The following DACH2 variants were observed in gnomAD, a reference collection of about 807,000 sequenced individuals.
DACH2 encodes dachshund family transcription factor 2.
Under a neutral mutation model 35.8 loss-of-function variants are expected in DACH2, and 17 were observed. The ratio of observed to expected loss-of-function variants is 0.48; its 90% confidence interval spans 0.33 to 0.71. DACH2 has a LOEUF of 0.71. Ranked by LOEUF, DACH2 falls within the 30% of genes least tolerant of loss-of-function variation. The pLI, the probability that DACH2 is intolerant of heterozygous loss-of-function variation, is 0.02. For synonymous variants in DACH2, 195 were observed against 177.3 expected, an observed-to-expected ratio of 1.10 and a Z score of -0.79; for missense variants, 469 against 472.7, an observed-to-expected ratio of 0.99 and a Z score of 0.07.
At chrX:86,443,456 T>C (rs2148186515) in intron 2 of DACH2, among the ~76,000 whole-genome samples, 1 of 111,419 alleles carries the variant, frequency 9.0e-6, no homozygotes, top group South Asian at 3.7e-4. Flanking sequence ...AAGACTATAC[T>C]TTCTGCAAAC....
At chrX:86,673,720 G>A (rs564975020) in intron 4 of DACH2, among the ~76,000 whole-genome samples, 2 of 111,576 alleles carry the variant, frequency 1.8e-5, no homozygotes, top group African/African-American at 6.5e-5. Context: ...TTGGATTTGT[G>A]GCCCTGCCCA....
chrX:86,646,733 C>T (rs777463468), intron 3 of DACH2, among the ~76,000 whole-genome samples: 1 of 109,647 alleles, frequency 9.1e-6, no homozygotes, highest in South Asian at 3.8e-4. Flanking sequence ...GGATATCCTG[C>T]AACTCAATAA....
intron 7 of DACH2, among the ~76,000 whole-genome samples, chrX:86,800,996 A>G (rs761183238): frequency 1.8e-5 from 2 of 111,087 alleles, no homozygotes; most frequent in Non-Finnish European, 3.8e-5. Context: ...CTTAATGTCT[A>G]TATTACACAG....
chrX:86,420,534 C>A (rs1026158508), intron 2 of DACH2, among the ~76,000 whole-genome samples: 1 of 111,105 alleles, frequency 9.0e-6, no homozygotes, highest in African/African-American at 3.3e-5. Context: ...AAACAGTTTT[C>A]TTTTTGTAAC....
At position 86,800,605 on chromosome X, in the gene DACH2, C is replaced by T. The variant is rs116509676; in HGVS notation, c.1241-12251C>T. On this transcript the variant is annotated intron_variant, in intron 7 of 11. Coordinates refer to ENST00000373125, the MANE Select transcript of DACH2 (RefSeq NM_053281.3). The stretch of plus-strand genomic sequence containing the variant: ...ATTAAGCATTACTAATAGATACAAA[C>T]TTCTTTGATAAAACTTAAGAAATTT... Among the ~76,000 whole-genome samples the T allele has an allele frequency of 8.3e-3, 928 of 112,040 alleles. 10 individuals are homozygous for T. The highest frequency in any genetic ancestry group is 0.028 in the African/African-American group (872 of 30,856).
chrX:86,643,996 A>AAACGTT (rs1391015465), intron 3 of DACH2, among the ~76,000 whole-genome samples: 1 of 111,477 alleles, frequency 9.0e-6, no homozygotes, highest in African/African-American at 3.3e-5. Flanking sequence ...TGACAAACCC[A>AAACGTT]CAGTAAACAT....
At chrX:86,414,961 C>A (rs997413088) in intron 2 of DACH2, among the ~76,000 whole-genome samples, 1 of 111,370 alleles carries the variant, frequency 9.0e-6, no homozygotes, top group East Asian at 2.8e-4. Context: ...TCTTTGGCAG[C>A]AGCCTCATAG....
chrX:86,267,014 A>G (rs1293655803), intron 1 of DACH2, among the ~76,000 whole-genome samples: 1 of 111,929 alleles, frequency 8.9e-6, no homozygotes, highest in Non-Finnish European at 1.9e-5. Context: ...TTGAAGCCAG[A>G]TTTAAATCAA....
chrX:86,635,050 T>G (rs1477381046), intron 3 of DACH2, among the ~76,000 whole-genome samples: 2 of 108,320 alleles, frequency 1.8e-5, no homozygotes, highest in Non-Finnish European at 3.8e-5. Flanking sequence ...CAAAACCTGG[T>G]AGAGACATAA....
intron 1 of DACH2, among the ~76,000 whole-genome samples, chrX:86,306,974 G>A (rs1317642790): frequency 9.0e-6 from 1 of 111,318 alleles, no homozygotes; most frequent in Non-Finnish European, 1.9e-5. Context: ...TTAATAGCAT[G>A]GAGAACACCA....
At chrX:86,348,713 C>T (rs1431689781) in intron 1 of DACH2, among the ~76,000 whole-genome samples, 1 of 112,326 alleles carries the variant, frequency 8.9e-6, no homozygotes, top group African/African-American at 3.2e-5. Context: ...CTTATGTTAA[C>T]TTCTGTGAAC....
At chrX:86,339,281 T>C (rs187582798) in intron 1 of DACH2, among the ~76,000 whole-genome samples, 130 of 112,072 alleles carry the variant, frequency 1.2e-3, no homozygotes, top group African/African-American at 4.1e-3. Flanking sequence ...AAGAACTTAT[T>C]CCTTATAGAA....
intron 5 of DACH2, among the ~76,000 whole-genome samples, chrX:86,697,671 A>G (rs898379178): frequency 1.0e-5 from 1 of 98,692 alleles, no homozygotes; most frequent in Non-Finnish European, 2.0e-5. Context: ...TAGAAACCCT[A>G]AGAAAAAATC....
At chrX:86,196,132 T>A (rs1328997506) in intron 1 of DACH2, among the ~76,000 whole-genome samples, 1 of 111,121 alleles carries the variant, frequency 9.0e-6, no homozygotes, top group Non-Finnish European at 1.9e-5. Context: ...TGGATAGGAA[T>A]TAAGATCATT....
At chrX:86,705,028 T>TTATATATATATATATATCTCACA (rs1556379511) in intron 5 of DACH2, among the ~76,000 whole-genome samples, 31 of 34,885 alleles carry the variant, frequency 8.9e-4, no homozygotes, top group African/African-American at 2.4e-3. Flanking sequence ...ACAGAAATTG[T>TTATATATATATATATATCTCACA]TATATATATA....
At chrX:86,281,036 G>A (rs1275485915) in intron 1 of DACH2, among the ~76,000 whole-genome samples, 2 of 111,708 alleles carry the variant, frequency 1.8e-5, no homozygotes, top group East Asian at 5.6e-4. Context: ...ATATTAGACA[G>A]ATCAATGAGA....
chrX:86,420,926 AAATGACTTTCAACAT>A (rs1170166993), intron 2 of DACH2, among the ~76,000 whole-genome samples: 1 of 111,191 alleles, frequency 9.0e-6, no homozygotes, highest in Non-Finnish European at 1.9e-5. Flanking sequence ...AATGGTTTTT[AAATGACTTTCAACAT>A]AATAAATCAA....
chrX:86,688,402 G>T (rs2040973175), intron 4 of DACH2, among the ~76,000 whole-genome samples: 1 of 111,631 alleles, frequency 9.0e-6, no homozygotes. Context: ...GAGTAATGAG[G>T]GTTCAAACAA....
intron 1 of DACH2, among the ~76,000 whole-genome samples, chrX:86,297,570 A>T (rs1329556782): frequency 1.8e-5 from 2 of 112,088 alleles, no homozygotes; most frequent in African/African-American, 6.5e-5. Flanking sequence ...GTCAGATTGT[A>T]TAAGGCTGTT....
Sources: gnomAD v4.1 joint callset for allele counts (sites outside exome capture counted in the v4.1 genomes callset) on GRCh38, gnomAD v4.1.1 for gene constraint, MANE v1.5 for transcripts, NCBI Gene and HGNC (gene_info 2026-07-23, HGNC 2026-07-21) for gene names.